CA4: variants seen among roughly 807,000 people sequenced by gnomAD.
CA4 encodes carbonic anhydrase 4.
A neutral mutation model predicts 34.5 loss-of-function variants in CA4; 24 were observed. That is an observed-to-expected ratio of 0.70 (90% CI 0.50 to 0.98). The LOEUF (loss-of-function observed/expected upper bound fraction) is 0.98, where lower values mean the gene tolerates loss of function less well. Among genes scored for constraint, CA4 ranks in the 50% least tolerant of loss-of-function variants. The probability of loss-of-function intolerance (pLI) is 0.00; values close to 1 mark genes in which losing one functional copy is unlikely to be tolerated. For missense variants in CA4, 394 were observed against 396.7 expected (o/e 0.99, Z 0.06); for synonymous variants, 178 against 170.6 (o/e 1.04, Z -0.34).
downstream of CA4, among the ~76,000 whole-genome samples, chr17:60,173,091 T>C (rs1453942861): frequency 6.7e-6 from 1 of 150,362 alleles, no homozygotes; most frequent in Non-Finnish European, 1.5e-5. Context: ...TGTAGTGAGC[T>C]GGGATCGCTC....
chr17:60,174,262 A>C (rs1184860115), downstream of CA4, among the ~76,000 whole-genome samples: 3 of 152,096 alleles, frequency 2.0e-5, no homozygotes, highest in Admixed American at 2.0e-4. Context: ...TGCTCACCAG[A>C]GGGCATGAAC....
chr17:60,178,936 T>G, the CA4 span, among the ~76,000 whole-genome samples: 1 of 152,272 alleles, frequency 6.6e-6, no homozygotes, highest in African/African-American at 2.4e-5. Flanking sequence ...CTATACTCAC[T>G]ACATATTTGT....
chr17:60,150,535 T>C (rs1325897353), intron 1 of CA4, among the ~76,000 whole-genome samples: 1 of 151,092 alleles, frequency 6.6e-6, no homozygotes, highest in Non-Finnish European at 1.5e-5. Context: ...TAGCCGGACG[T>C]GGTGGCACAC....
At chr17:60,151,007 G>C (rs1189856274) in intron 1 of CA4, among the ~76,000 whole-genome samples, 1 of 152,214 alleles carries the variant, frequency 6.6e-6, no homozygotes, top group African/African-American at 2.4e-5. Context: ...TTCGTTTAAA[G>C]ATTAATGGTG....
chr17:60,158,475 C>A (rs1270164377), intron 7 of CA4, 29 bp downstream of exon 7: 1 of 1,608,336 alleles, frequency 6.2e-7, no homozygotes, highest in African/African-American at 1.3e-5. Flanking sequence ...AGGGCATGGG[C>A]TCCCACTGCC....
chr17:60,152,121 T>C (rs2145253469), intron 1 of CA4, among the ~76,000 whole-genome samples: 1 of 152,218 alleles, frequency 6.6e-6, no homozygotes, highest in African/African-American at 2.4e-5. Flanking sequence ...ACTTTCGGTC[T>C]CTAACCTCTG....
At position 60,159,374 on chromosome 17, in the gene CA4, G is replaced by C; in HGVS notation, c.889G>C (p.Ala297Pro). ...PGRPLPWALP[A>P]LLGPMLACLL... The stretch of plus-strand genomic sequence containing the variant: ...TCGGCCGCTGCCCTGGGCCCTGCCT[G>C]CCCTGCTGGGCCCCATGCTGGCCTG... Residue 297 changes from alanine to proline, a missense_variant, in exon 8 of 8, where the codon GCC (alanine) becomes CCC (proline). Coordinates refer to ENST00000300900, the MANE Select transcript of CA4 (RefSeq NM_000717.5). 6.2e-7 allele frequency: 1 copy of C among 1,612,240 alleles called. No individual in the cohort carries two copies. Among genetic ancestry groups the C allele is most frequent in the Non-Finnish European group, 8.5e-7 (1 of 1,179,572 alleles).
At chr17:60,168,512 G>C (rs1410737425) in intron 5 of CA4, among the ~76,000 whole-genome samples, 1 of 120,320 alleles carries the variant, frequency 8.3e-6, no homozygotes, top group African/African-American at 3.3e-5. Context: ...GGGGGGGCAG[G>C]TGGGGAAGGG....
chr17:60,156,455 T>G, intron 2 of CA4, 105 bp from the exon 3 acceptor site: 1 of 1,160,594 alleles, frequency 8.6e-7, no homozygotes. Context: ...CCCAAAGCGT[T>G]TCTGTGTGGG....
intron 1 of CA4, among the ~76,000 whole-genome samples, chr17:60,150,965 C>T (rs1249579014): frequency 6.6e-6 from 1 of 152,234 alleles, no homozygotes; most frequent in Non-Finnish European, 1.5e-5. Context: ...CCCAAGGCCT[C>T]TGCGGAGCCG....
chr17:60,175,399 T>C (rs531969431), downstream of CA4, among the ~76,000 whole-genome samples: 146 of 151,302 alleles, frequency 9.6e-4, no homozygotes, highest in Non-Finnish European at 1.6e-4. Flanking sequence ...TGAAACCCCA[T>C]CTCTACAAAA....
At position 60,150,074 on chromosome 17, in the gene CA4, C is replaced by T. The variant is rs104894559; in HGVS notation, c.40C>T (p.Arg14Trp). 1.7e-4 allele frequency: 267 copies of T among 1,599,366 alleles called. No homozygotes were observed. Among genetic ancestry groups the T allele is most frequent in the Non-Finnish European group, 1.8e-4 (209 of 1,178,954 alleles). The change falls in exon 1 of 8, where the codon CGG (arginine) becomes TGG (tryptophan). Residue 14 changes from arginine (R) to tryptophan (W), a missense_variant. Arg to Trp is a moderately radical substitution (Grantham distance 101). Coordinates refer to ENST00000300900, the MANE Select transcript of CA4 (RefSeq NM_000717.5). The stretch of plus-strand genomic sequence containing the variant: ...GGCGCTCCTGGCCCTCTCCGCGGCG[C>T]GGCCATCGGCCAGTGCAGGTGAGCT... ...LLALLALSAA[R>W]PSASAESHWC...
downstream of CA4, among the ~76,000 whole-genome samples, chr17:60,164,075 C>T (rs1313367125): frequency 2.0e-5 from 3 of 151,488 alleles, no homozygotes; most frequent in Non-Finnish European, 4.4e-5. Flanking sequence ...CACCATTGCA[C>T]TCCAGCCTGG....
At position 60,157,474 on chromosome 17, in the gene CA4, C is replaced by A; in HGVS notation, c.316C>A (p.Pro106Thr). Residue 106 changes from proline (P) to threonine (T), a missense_variant, in exon 4 of 8, where the codon CCT becomes ACT. Coordinates refer to ENST00000300900, the MANE Select transcript of CA4 (RefSeq NM_000717.5). ...GGCCAGCATTTCTGGAGGAGGACTG[C>A]CTGCCCCATACCAGGCCAAACAGTT... ...NKASISGGGLPAPYQAKQLHL... is the reference protein window; with the variant it reads ...NKASISGGGLTAPYQAKQLHL... 6.2e-7 allele frequency: 1 copy of A among 1,614,132 alleles called. No individual in the cohort carries two copies. Among genetic ancestry groups the A allele is most frequent in the African/African-American group, 1.3e-5 (1 of 75,046 alleles).
intron 1 of CA4, among the ~76,000 whole-genome samples, chr17:60,153,667 G>A (rs1300580110): frequency 1.3e-5 from 2 of 152,220 alleles, no homozygotes; most frequent in African/African-American, 4.8e-5. Flanking sequence ...ATGGGACTCA[G>A]AATGTCAGAT....
chr17:60,161,612 C>A (rs1432524552), downstream of CA4, among the ~76,000 whole-genome samples: 1 of 151,896 alleles, frequency 6.6e-6, no homozygotes, highest in Non-Finnish European at 1.5e-5. Flanking sequence ...CCCGAGCCCC[C>A]CATGCCCCTG....
At chr17:60,153,498 G>C (rs1448763762) in intron 1 of CA4, among the ~76,000 whole-genome samples, 1 of 152,184 alleles carries the variant, frequency 6.6e-6, no homozygotes, top group Non-Finnish European at 1.5e-5. Flanking sequence ...TGTCTATGGA[G>C]TAGCTGTCCT....
At chr17:60,163,921 G>A (rs1469023362), downstream of CA4, among the ~76,000 whole-genome samples, 1 of 152,114 alleles carries the variant, frequency 6.6e-6, no homozygotes, top group Non-Finnish European at 1.5e-5. Context: ...ACTTGAGCCT[G>A]GGAGTTTAAG....
intron 5 of CA4, among the ~76,000 whole-genome samples, chr17:60,165,830 T>C (rs1380109244): frequency 6.7e-6 from 1 of 149,830 alleles, no homozygotes; most frequent in Non-Finnish European, 1.5e-5. Flanking sequence ...ATAACAAATC[T>C]CTTTTTTTTT....
Sources: allele counts gnomAD v4.1 joint callset (sites outside exome capture counted in the v4.1 genomes callset), GRCh38; gene constraint gnomAD v4.1.1; transcripts MANE v1.5; gene names NCBI Gene and HGNC (gene_info 2026-07-23, HGNC 2026-07-21).